Variants in MPP7 observed in about 807,000 individuals in gnomAD.
MPP7 encodes the protein MAGUK p55 scaffold protein 7.
Under a neutral mutation model 76.5 loss-of-function variants are expected in MPP7, and 60 were observed. That is an observed-to-expected ratio of 0.78 (90% CI 0.64 to 0.97). The LOEUF (loss-of-function observed/expected upper bound fraction) is 0.97. Among genes scored for constraint, MPP7 ranks in the 50% least tolerant of loss-of-function variants. MPP7 has a pLI of 0.00. For missense variants in MPP7, 641 were observed against 694.0 expected (o/e 0.92, Z 0.86); for synonymous variants, 237 against 244.5 (o/e 0.97, Z 0.29).
intron 13 of MPP7, among the ~76,000 whole-genome samples, chr10:28,066,202 A>ACAAT (rs1851981930): frequency 6.6e-6 from 1 of 152,150 alleles, no homozygotes; most frequent in African/African-American, 2.4e-5. Context: ...CTCCATCTCT[A>ACAAT]CAATCAATCA....
intron 2 of MPP7, among the ~76,000 whole-genome samples, chr10:28,209,514 G>C (rs1268472629): frequency 6.6e-6 from 1 of 151,808 alleles, no homozygotes; most frequent in Non-Finnish European, 1.5e-5. Flanking sequence ...CTGGGGGAGA[G>C]GAATATTGTC....
At chr10:28,066,807 C>A (rs1223821614) in intron 13 of MPP7, among the ~76,000 whole-genome samples, 1 of 152,190 alleles carries the variant, frequency 6.6e-6, no homozygotes. Flanking sequence ...TTGTTCAACA[C>A]ATTTGCGGGA....
chr10:28,321,948 CGTGTGTGTGTGTGTGTGTGTGTGTGTGT>C (rs3064171), intron 2 of MPP7, among the ~76,000 whole-genome samples: 1 of 143,366 alleles, frequency 7.0e-6, no homozygotes, highest in Non-Finnish European at 1.5e-5. Context: ...TTTTTGTAGA[CGTGTGTGTGTGTGTGTGTGTGTGTGTGT>C]GTGTGTGTGT....
At chr10:28,243,455 G>A (rs1839338146) in intron 1 of MPP7, among the ~76,000 whole-genome samples, 1 of 151,380 alleles carries the variant, frequency 6.6e-6, no homozygotes, top group Non-Finnish European at 1.5e-5. Flanking sequence ...ATGATTCGGT[G>A]AACCAATATT....
At chr10:28,146,250 A>T (rs574853806) in intron 5 of MPP7, among the ~76,000 whole-genome samples, 81 of 152,342 alleles carry the variant, frequency 5.3e-4, no homozygotes, top group Non-Finnish European at 1.0e-3. Flanking sequence ...CTTTCAGAAC[A>T]AAAATTTAAT....
At chr10:28,237,819 T>G (rs1487659624) in intron 2 of MPP7, among the ~76,000 whole-genome samples, 1 of 152,168 alleles carries the variant, frequency 6.6e-6, no homozygotes, top group Non-Finnish European at 1.5e-5. Context: ...CATTTACATT[T>G]TGTTTTAGTA....
At chr10:28,062,692 T>C (rs1471465719) in intron 13 of MPP7, among the ~76,000 whole-genome samples, 1 of 151,970 alleles carries the variant, frequency 6.6e-6, no homozygotes, top group African/African-American at 2.4e-5. Context: ...TTTAAAAACT[T>C]CGACACCATT....
intron 11 of MPP7, among the ~76,000 whole-genome samples, chr10:28,113,900 T>C (rs1834580990): frequency 6.6e-6 from 1 of 152,168 alleles, no homozygotes; most frequent in Admixed American, 6.5e-5. Context: ...TAAAGTTTCT[T>C]ACAAGTTTCC....
chr10:28,058,130 A>C (rs1851637311), intron 15 of MPP7, among the ~76,000 whole-genome samples: 1 of 152,170 alleles, frequency 6.6e-6, no homozygotes, highest in Non-Finnish European at 1.5e-5. Context: ...AATTATAGAC[A>C]CTGTTACTAA....
chr10:28,227,742 C>T (rs1427307485), intron 2 of MPP7, among the ~76,000 whole-genome samples: 3 of 152,122 alleles, frequency 2.0e-5, no homozygotes, highest in Non-Finnish European at 4.4e-5. Flanking sequence ...TGAGTTGATT[C>T]CATGTCTTTG....
At chr10:28,202,089 G>A (rs2133984824) in intron 3 of MPP7, 64 bp downstream of exon 3, 4 of 1,110,094 alleles carry the variant, frequency 3.6e-6, no homozygotes, top group East Asian at 2.4e-5. Flanking sequence ...GGTTTACTTG[G>A]TGGTGCCCCA....
At chr10:28,260,669 G>A (rs1007818024) in intron 1 of MPP7, among the ~76,000 whole-genome samples, 3 of 151,030 alleles carry the variant, frequency 2.0e-5, no homozygotes, top group Non-Finnish European at 2.9e-5. Flanking sequence ...CTACTCAAGA[G>A]GCTGAGACAG....
rs114758034 is a variant in MPP7, at chr10:28,171,207, G to A, written c.157-21148C>T. 5.4e-3 allele frequency among the ~76,000 whole-genome samples: 826 copies of A among 152,242 alleles called. 8 individuals carry two copies. Among genetic ancestry groups the A allele is most frequent in the African/African-American group, 0.019 (769 of 41,544 alleles). Reference sequence around the variant, plus strand: ...AGTTTATAGTATACTTTGTGGAGGCGTTGACATTAAACAACTAATTACATT... The same window carrying A: ...AGTTTATAGTATACTTTGTGGAGGCATTGACATTAAACAACTAATTACATT... On this transcript the variant is annotated intron_variant, in intron 3 of 16. Coordinates refer to ENST00000683449, the MANE Select transcript of MPP7 (RefSeq NM_001318170.2).
At chr10:28,204,442 C>CAA (rs35353394) in intron 2 of MPP7, among the ~76,000 whole-genome samples, 17,944 of 94,734 alleles carry the variant, frequency 0.19, 1,872 homozygotes, top group East Asian at 0.48. Context: ...AACTCCGTCT[C>CAA]AAAAAAAAAA....
At chr10:28,143,855 C>CTGTGTGTG (rs60960005) in intron 5 of MPP7, among the ~76,000 whole-genome samples, 28 of 134,556 alleles carry the variant, frequency 2.1e-4, no homozygotes, top group African/African-American at 4.9e-4. Flanking sequence ...CAATCGTGTG[C>CTGTGTGTG]TGTGTGTGTG....
chr10:28,288,458 C>T (rs1840836511), intron 1 of MPP7, among the ~76,000 whole-genome samples: 2 of 152,108 alleles, frequency 1.3e-5, no homozygotes, highest in Non-Finnish European at 2.9e-5. Flanking sequence ...CCAGGCTTGT[C>T]TCGAACTCCT....
intron 1 of MPP7, among the ~76,000 whole-genome samples, chr10:28,245,933 T>G (rs562618737): frequency 6.6e-6 from 1 of 151,188 alleles, no homozygotes; most frequent in African/African-American, 2.4e-5. Flanking sequence ...CATATGACAC[T>G]ATAAAGTCAG....
At chr10:28,328,935 G>A (rs879400200) in intron 2 of MPP7, among the ~76,000 whole-genome samples, 1 of 152,024 alleles carries the variant, frequency 6.6e-6, no homozygotes, top group Non-Finnish European at 1.5e-5. Context: ...TTGCCACACT[G>A]TTTTACCATT....
intron 3 of MPP7, among the ~76,000 whole-genome samples, chr10:28,157,158 C>T (rs564853687): frequency 5.3e-5 from 8 of 152,092 alleles, no homozygotes; most frequent in Admixed American, 1.3e-4. Context: ...TGCAGTGAGC[C>T]GAGATCATGC....
Sources: gnomAD v4.1 joint callset for allele counts (sites outside exome capture counted in the v4.1 genomes callset) on GRCh38, gnomAD v4.1.1 for gene constraint, MANE v1.5 for transcripts, NCBI Gene and HGNC (gene_info 2026-07-23, HGNC 2026-07-21) for gene names.